Variants in ARHGAP18 observed in about 807,000 individuals in gnomAD.
The protein encoded by ARHGAP18 is rho GTPase-activating protein 18.
ARHGAP18 carries 67 observed loss-of-function variants against 86.2 expected under a neutral mutation model. That is an observed-to-expected ratio of 0.78 (90% CI 0.64 to 0.95). The LOEUF (loss-of-function observed/expected upper bound fraction) is 0.95, where lower values mean the gene tolerates loss of function less well. Among genes scored for constraint, ARHGAP18 ranks in the 40% least tolerant of loss-of-function variants. ARHGAP18 has a pLI of 0.00. For missense variants in ARHGAP18, 691 were observed against 780.4 expected (o/e 0.89, Z 1.37); for synonymous variants, 283 against 280.4 (o/e 1.01, Z -0.09).
At chr6:129,613,464 A>G (rs1033253065) in intron 7 of ARHGAP18, among the ~76,000 whole-genome samples, 4 of 152,192 alleles carry the variant, frequency 2.6e-5, no homozygotes, top group Admixed American at 2.0e-4. Context: ...TTCTAGTCCT[A>G]TTAACAAAAA....
intron 1 of ARHGAP18, among the ~76,000 whole-genome samples, chr6:129,685,998 G>T (rs987283722): frequency 1.3e-5 from 2 of 152,134 alleles, no homozygotes; most frequent in Admixed American, 6.5e-5. Flanking sequence ...TTACATTGCC[G>T]GGGGCGGGCG....
In ARHGAP18 at chr6:129,709,520, C is replaced by A. The variant is rs993990628; in HGVS notation, c.113+504G>T. ...GAATGTGAAACATATTGCCACAGGCCAGTGTCTTGGGCTTTTTGCCTAAGA... is the reference window on the plus strand; with the variant it reads ...GAATGTGAAACATATTGCCACAGGCAAGTGTCTTGGGCTTTTTGCCTAAGA... On this transcript the variant is annotated intron_variant, in intron 1 of 14. Transcript: ENST00000368149. Among the ~76,000 whole-genome samples the A allele has an allele frequency of 5.9e-5, 9 of 152,160 alleles. 1 individual carries two copies. The highest frequency in any genetic ancestry group is 1.9e-4 in the African/African-American group (8 of 41,430).
At chr6:129,626,241 A>G (rs1212016757) in intron 5 of ARHGAP18, among the ~76,000 whole-genome samples, 1 of 151,424 alleles carries the variant, frequency 6.6e-6, no homozygotes, top group Non-Finnish European at 1.5e-5. Context: ...CTATACTACT[A>G]TGGTATGATT....
chr6:129,597,137 TATTG>T (rs1339897211), intron 12 of ARHGAP18, among the ~76,000 whole-genome samples: 2 of 151,906 alleles, frequency 1.3e-5, no homozygotes, highest in African/African-American at 2.4e-5. Flanking sequence ...AAATTTTGGC[TATTG>T]ATTAGAATTT....
chr6:129,661,434 A>G (rs948288981), intron 1 of ARHGAP18, among the ~76,000 whole-genome samples: 1 of 151,348 alleles, frequency 6.6e-6, no homozygotes, highest in Non-Finnish European at 1.5e-5. Flanking sequence ...CCTTGATAAT[A>G]GGATTATACT....
At chr6:129,627,993 G>T (rs1254139865) in intron 5 of ARHGAP18, among the ~76,000 whole-genome samples, 1 of 152,076 alleles carries the variant, frequency 6.6e-6, no homozygotes, top group African/African-American at 2.4e-5. Flanking sequence ...GAACTGGGTG[G>T]GGGTATGAAT....
intron 1 of ARHGAP18, among the ~76,000 whole-genome samples, chr6:129,688,955 T>C (rs1774480175): frequency 6.6e-6 from 1 of 152,166 alleles, no homozygotes; most frequent in African/African-American, 2.4e-5. Flanking sequence ...TTCTATTTTC[T>C]TCCTGTCTCC....
intron 7 of ARHGAP18, among the ~76,000 whole-genome samples, chr6:129,613,675 C>T (rs1789031325): frequency 6.6e-6 from 1 of 152,142 alleles, no homozygotes; most frequent in Non-Finnish European, 1.5e-5. Context: ...CATATATCGT[C>T]AGAAGGAATG....
At chr6:129,580,177 T>G (rs1788258270) in intron 13 of ARHGAP18, 46 bp from the exon 14 acceptor site, 3 of 1,533,742 alleles carry the variant, frequency 2.0e-6, no homozygotes, top group Non-Finnish European at 2.7e-6. Flanking sequence ...TCAAACAGCT[T>G]GCAAGTAAAT....
chr6:129,673,773 C>A (rs1584106291), intron 1 of ARHGAP18, among the ~76,000 whole-genome samples: 1 of 152,164 alleles, frequency 6.6e-6, no homozygotes, highest in Non-Finnish European at 1.5e-5. Context: ...ATTTCACCAA[C>A]TTTGAAAATC....
At chr6:129,631,128 A>G (rs550434714) in intron 4 of ARHGAP18, among the ~76,000 whole-genome samples, 14 of 152,256 alleles carry the variant, frequency 9.2e-5, no homozygotes, top group African/African-American at 3.4e-4. Flanking sequence ...TACTGTGACT[A>G]TGTACACTGG....
intron 1 of ARHGAP18, among the ~76,000 whole-genome samples, chr6:129,661,329 A>AT: frequency 6.6e-6 from 1 of 150,714 alleles, no homozygotes; most frequent in South Asian, 2.1e-4. Context: ...AAAAAAAAAA[A>AT]AGTGGGATAC....
intron 1 of ARHGAP18, among the ~76,000 whole-genome samples, chr6:129,706,013 T>C (rs1362731310): frequency 1.3e-5 from 2 of 152,154 alleles, no homozygotes; most frequent in African/African-American, 2.4e-5. Context: ...ACATGATGAA[T>C]GCCATACATT....
chr6:129,644,334 A>T (rs1246942887), intron 1 of ARHGAP18, among the ~76,000 whole-genome samples: 3 of 152,298 alleles, frequency 2.0e-5, no homozygotes, highest in East Asian at 3.9e-4. Flanking sequence ...TTCACTCCTG[A>T]TTCTTAAATT....
intron 10 of ARHGAP18, 32 bp from the exon 11 acceptor site, chr6:129,600,880 T>C (rs1788725398): frequency 2.6e-6 from 4 of 1,566,380 alleles, no homozygotes; most frequent in South Asian, 2.3e-5. Flanking sequence ...GAGATTTGTG[T>C]CATATATGAA....
chr6:129,696,640 G>A (rs1191231778), intron 1 of ARHGAP18, among the ~76,000 whole-genome samples: 5 of 152,088 alleles, frequency 3.3e-5, no homozygotes, highest in South Asian at 2.1e-4. Context: ...GAATAATACC[G>A]GGCCCCTGCA....
intron 10 of ARHGAP18, among the ~76,000 whole-genome samples, chr6:129,601,392 C>G (rs969922674): frequency 6.6e-6 from 1 of 151,878 alleles, no homozygotes; most frequent in Non-Finnish European, 1.5e-5. Flanking sequence ...ACCTGTAGTC[C>G]CAGATCGGTG....
intron 1 of ARHGAP18, among the ~76,000 whole-genome samples, chr6:129,665,672 C>T (rs1378477828): frequency 6.6e-6 from 1 of 152,146 alleles, no homozygotes; most frequent in Non-Finnish European, 1.5e-5. Flanking sequence ...TAGTTAATAA[C>T]AACATAGAGC....
intron 1 of ARHGAP18, among the ~76,000 whole-genome samples, chr6:129,680,666 G>A (rs563701749): frequency 1.2e-4 from 19 of 152,322 alleles, no homozygotes; most frequent in African/African-American, 4.3e-4. Flanking sequence ...GGGCAAGGCC[G>A]AAGCCTGGTC....
Sources: gnomAD v4.1 joint callset for allele counts (sites outside exome capture counted in the v4.1 genomes callset) on GRCh38, gnomAD v4.1.1 for gene constraint, MANE v1.5 for transcripts, NCBI Gene and HGNC (gene_info 2026-07-23, HGNC 2026-07-21) for gene names.